The following LSS variants were observed in gnomAD, a reference collection of about 807,000 sequenced individuals.
The protein encoded by LSS is 2,3-epoxysqualene-lanosterol cyclase.
Under a neutral mutation model 110.3 loss-of-function variants are expected in LSS, and 90 were observed. The observed-to-expected ratio is 0.82, with a 90% CI of 0.69 to 0.97. The LOEUF (loss-of-function observed/expected upper bound fraction) is 0.97. Ranked by LOEUF, LSS falls within the 50% of genes least tolerant of loss-of-function variation. The pLI is 0.00. For missense variants in LSS, 927 were observed against 990.0 expected (o/e 0.94, Z 0.85); for synonymous variants, 433 against 400.0 (o/e 1.08, Z -0.98).
chr21:46,213,193 G>A, intron 10 of LSS, 141 bp from the exon 11 acceptor site: 1 of 744,404 alleles, frequency 1.3e-6, no homozygotes, highest in Non-Finnish European at 2.3e-6. Context: ...TGCCACCCCA[G>A]CTGGGCTGCT....
In LSS at chr21:46,227,561, G is replaced by A; in HGVS notation, c.310C>T (p.Leu104Phe). ...WTGDYGGPLF[L>F]LPGLLITCHV... ...GGCAGCATACTCCTACCTGGCAGGA[G>A]GAAAAGTGGGCCACCATAATCACCC... The change falls in exon 3 of 22, where the codon CTC (leucine) becomes TTC (phenylalanine). Residue 104 changes from leucine to phenylalanine, a missense_variant. Physicochemically the swap from Leu to Phe is conservative, Grantham distance 22 (BLOSUM62 0). Transcript: ENST00000397728. The A allele has an allele frequency of 1.2e-6, 2 of 1,614,002 alleles. No homozygotes were observed. Among genetic ancestry groups the A allele is most frequent in the Non-Finnish European group, 1.7e-6 (2 of 1,180,008 alleles).
At chr21:46,219,445 G>C (rs200929775) in intron 6 of LSS, 31 bp downstream of exon 6, 5 of 1,517,870 alleles carry the variant, frequency 3.3e-6, no homozygotes, top group Admixed American at 1.9e-5. Context: ...CAGCAGCAGC[G>C]ACCCAACAAC....
At chr21:46,225,319 T>C in intron 3 of LSS, 1 of 444,288 alleles carries the variant, frequency 2.3e-6, no homozygotes, top group Non-Finnish European at 4.5e-6. Flanking sequence ...ACAAGGCCAC[T>C]AGAGGGCTCC....
Position 46,216,665 on chromosome 21 carries a change from C to G in LSS, c.648-141G>C. On this transcript the variant is annotated intron_variant, in intron 6 of 21. Transcript: ENST00000397728. The surrounding 1 kb of genome is among the most constrained non-coding windows in gnomAD (Gnocchi z 4.2). ...CACGTCAGTGCATCTGCGGGCATTT[C>G]CCAACCGTGCTCCTGAGGGGCACAG... is the stretch of plus-strand genomic sequence containing the variant. 1 of 1,125,192 alleles carries G rather than the reference C, an allele frequency of 8.9e-7. No individual in the cohort carries two copies. The highest frequency in any genetic ancestry group is 1.2e-6 in the Non-Finnish European group (1 of 817,452). The allele number at this position is 1,125,192 out of a possible 1,614,324, so 69.7% of individuals were successfully genotyped here.
intron 16 of LSS, 86 bp from the exon 17 acceptor site, chr21:46,206,027 A>G (rs2080044429): frequency 1.9e-6 from 2 of 1,033,614 alleles, no homozygotes; most frequent in East Asian, 5.2e-5. Context: ...AACAAGCAAG[A>G]GTGTTGCAGT....
In LSS at chr21:46,216,213, C is replaced by T. The variant is rs1272519737; in HGVS notation, c.783+176G>A. Among the ~76,000 whole-genome samples, 1 of 152,186 alleles carries T rather than the reference C, an allele frequency of 6.6e-6. No homozygotes were observed. The highest frequency in any genetic ancestry group is 1.5e-5 in the Non-Finnish European group (1 of 68,034). The stretch of plus-strand genomic sequence containing the variant: ...TCCCATAGCACAAGTCCCCTCTGGG[C>T]AGAGCTTGCTCACTGTTTATTATAG... On this transcript the variant is annotated intron_variant, in intron 7 of 21. Coordinates refer to ENST00000397728, the MANE Select transcript of LSS (RefSeq NM_002340.6). The surrounding 1 kb of genome is among the most constrained non-coding windows in gnomAD (Gnocchi z 4.2).
At chr21:46,196,441 C>T (rs946787376) in intron 17 of LSS, 174 bp from the exon 18 acceptor site, 6 of 604,818 alleles carry the variant, frequency 9.9e-6, no homozygotes, top group Non-Finnish European at 1.8e-5. Context: ...CCACAGGACA[C>T]CAGAGCGGGA....
rs79710966 is a variant in LSS at position 46,215,717 on chromosome 21, G to A, written c.860C>T (p.Thr287Met). The change falls in exon 8 of 22, where the codon ACG becomes ATG. Residue 287 changes from threonine (T) to methionine (M), a missense_variant. Thr to Met is a moderately conservative substitution (Grantham distance 81). Transcript: ENST00000397728. The part of the protein sequence containing the change: ...RNNVAPDELY[T>M]PHSWLLRVVY... The stretch of plus-strand genomic sequence containing the variant: ...CACGCGGAGCAGCCAGCTGTGCGGC[G>A]TGTACAGCTCGTCGGGGGCCACGTT... The A allele has an allele frequency of 5.9e-4, 950 of 1,612,350 alleles. 7 individuals are homozygous for A. The African/African-American group carries it at 9.5e-3, about 16-fold the overall frequency.
chr21:46,204,882 C>T (rs1383510438), intron 17 of LSS, among the ~76,000 whole-genome samples: 1 of 152,166 alleles, frequency 6.6e-6, no homozygotes, highest in Non-Finnish European at 1.5e-5. Flanking sequence ...AGACCAGCGT[C>T]TCTTGTAACC....
In LSS at chr21:46,209,658, T is replaced by A. The variant is rs369533013; in HGVS notation, c.1195-33A>T. 41 of 1,589,442 alleles carry A rather than the reference T, an allele frequency of 2.6e-5. No individual in the cohort carries two copies. The highest frequency in any genetic ancestry group is 3.5e-5 in the Non-Finnish European group (41 of 1,165,308). ...AGACAGCAGGACAGAGAGGCTCAGCTGCCCTTGCACGGCCAGCATGGCTGC... is the reference window on the plus strand; with the variant it reads ...AGACAGCAGGACAGAGAGGCTCAGCAGCCCTTGCACGGCCAGCATGGCTGC... On this transcript the variant is annotated intron_variant, in intron 12 of 21. Coordinates refer to ENST00000397728, the MANE Select transcript of LSS (RefSeq NM_002340.6). The surrounding 1 kb of genome is among the most constrained non-coding windows in gnomAD (Gnocchi z 4.4).
chr21:46,210,333 T>C (rs555226858), intron 12 of LSS, among the ~76,000 whole-genome samples: 9 of 152,212 alleles, frequency 5.9e-5, no homozygotes, highest in African/African-American at 1.9e-4. Flanking sequence ...CCCAAAGTGC[T>C]GGGATTACAG....
chr21:46,210,740 G>A lies in LSS; in HGVS notation c.1142C>T (p.Thr381Ile). The stretch of plus-strand genomic sequence containing the variant: ...GGTGTCCCAGATCTGTGAGCCGTTG[G>A]TGCCCTACACACAAAGGATGGTGTT... Reference protein sequence around the residue: ...MGLDGMKMQGTNGSQIWDTAF... With the variant: ...MGLDGMKMQGINGSQIWDTAF... The change falls in exon 12 of 22, where the codon ACC becomes ATC. Residue 381 changes from threonine to isoleucine, a missense_variant. Thr to Ile is a moderately conservative substitution (Grantham distance 89). Transcript: ENST00000397728. 1 of 1,614,014 alleles carries A rather than the reference G, an allele frequency of 6.2e-7. No homozygotes were observed. The highest frequency in any genetic ancestry group is 8.5e-7 in the Non-Finnish European group (1 of 1,179,974).
At chr21:46,205,218 G>A (rs1281565610) in intron 17 of LSS, among the ~76,000 whole-genome samples, 2 of 152,288 alleles carry the variant, frequency 1.3e-5, no homozygotes, top group East Asian at 1.9e-4. Flanking sequence ...GCTGGATAGC[G>A]CGGCATCTGT....
At position 46,188,526 on chromosome 21, in the gene LSS, T is replaced by C; in HGVS notation, c.*2578A>G. ...CTGCACCGGTACAGCTGCCATCTCC[T>C]CTTGGTGGTGTCCTTTGTCAAGAGC... is the stretch of plus-strand genomic sequence containing the variant. On this transcript the variant is annotated 3_prime_UTR_variant, in exon 22 of 22. Coordinates refer to ENST00000397728, the MANE Select transcript of LSS (RefSeq NM_002340.6). 2.4e-6 allele frequency: 1 copy of C among 423,330 alleles called. No homozygotes were observed. The highest frequency in any genetic ancestry group is 4.9e-6 in the Non-Finnish European group (1 of 205,586). The allele number at this position is 423,330 out of a possible 1,614,324, so 26.2% of individuals were successfully genotyped here.
chr21:46,201,238 G>C (rs28587739), intron 17 of LSS, among the ~76,000 whole-genome samples: 170 of 2,730 alleles, frequency 0.062, 8 homozygotes, highest in East Asian at 0.38. Flanking sequence ...ATGAAGCCCT[G>C]AGGGTAGAGC....
intron 16 of LSS, 143 bp from the exon 17 acceptor site, chr21:46,206,084 C>G (rs1245512312): frequency 1.6e-6 from 1 of 626,412 alleles, no homozygotes; most frequent in African/African-American, 1.8e-5. Flanking sequence ...CCAGAGCAAA[C>G]GCCGGCTGGT....
At chr21:46,225,923 C>T (rs530627620) in intron 3 of LSS, among the ~76,000 whole-genome samples, 2 of 152,218 alleles carry the variant, frequency 1.3e-5, no homozygotes, top group East Asian at 3.9e-4. Flanking sequence ...CCCCCGGGCC[C>T]AGCTGTCTTT....
At chr21:46,195,077 G>T (rs572918764) in intron 19 of LSS, among the ~76,000 whole-genome samples, 1 of 152,124 alleles carries the variant, frequency 6.6e-6, no homozygotes, top group Non-Finnish European at 1.5e-5. Flanking sequence ...CTGGAGACAC[G>T]GCTGGGACCG....
At chr21:46,196,358 G>T in intron 17 of LSS, 91 bp from the exon 18 acceptor site, 2 of 1,046,408 alleles carry the variant, frequency 1.9e-6, no homozygotes, top group Non-Finnish European at 3.0e-6. Flanking sequence ...AAAAGAATGA[G>T]AATGGTCTCC....
Sources: allele counts gnomAD v4.1 joint callset (sites outside exome capture counted in the v4.1 genomes callset), GRCh38; gene constraint gnomAD v4.1.1; non-coding constraint Gnocchi (gnomAD v3.1); transcripts MANE v1.5; gene names NCBI Gene and HGNC (gene_info 2026-07-23, HGNC 2026-07-21).